Variants in ADGRL2 observed in about 807,000 individuals in gnomAD.
ADGRL2 encodes calcium-independent alpha-latrotoxin receptor 2.
ADGRL2 carries 44 observed loss-of-function variants against 157.4 expected under a neutral mutation model. The observed-to-expected ratio is 0.28, with a 90% CI of 0.22 to 0.36. The LOEUF is 0.36. Ranked by LOEUF, ADGRL2 falls within the 10% of genes least tolerant of loss-of-function variation. The probability of loss-of-function intolerance (pLI) is 1.00; values close to 1 mark genes in which losing one functional copy is unlikely to be tolerated. For missense variants in ADGRL2, 1,510 were observed against 1,768.9 expected, an observed-to-expected ratio of 0.85 and a Z score of 2.63; for synonymous variants, 585 against 624.7, an observed-to-expected ratio of 0.94 and a Z score of 0.95.
intron 3 of ADGRL2, among the ~76,000 whole-genome samples, chr1:81,634,458 C>T (rs2082075319): frequency 6.6e-6 from 1 of 151,890 alleles, no homozygotes; most frequent in Admixed American, 6.6e-5. Context: ...ATTTATCTCC[C>T]TCCATGTTCC....
chr1:81,502,836 G>A lies in ADGRL2; in HGVS notation c.-248+57747G>A, dbSNP rs573853533. The A allele has an allele frequency of 6.1e-5, 99 of 1,612,546 alleles. 1 individual carries two copies. In the African/African-American group the frequency reaches 9.6e-4, roughly 16 times the overall value. Reference sequence around the variant, plus strand: ...CGGCTACTGCTGCTGCCGCTGCCGAGGCCCCTGCCCTCCTCTCCCCACCCA... The same window carrying A: ...CGGCTACTGCTGCTGCCGCTGCCGAAGCCCCTGCCCTCCTCTCCCCACCCA... On this transcript the variant is annotated intron_variant, in intron 2 of 24. Coordinates refer to the ADGRL2 transcript ENST00000370721.
rs1192256443 is a variant in ADGRL2, at chr1:81,992,453, A to C, written c.*1308A>C. On this transcript the variant is annotated 3_prime_UTR_variant, in exon 24 of 24. Coordinates refer to ENST00000686636, the MANE Select transcript of ADGRL2 (RefSeq NM_001366006.2). ...ACATGTGAACTTTTATGTATGATAC[A>C]TAATTGGCTTTAACATGTTGGTCCA... is the stretch of plus-strand genomic sequence containing the variant. The C allele has an allele frequency of 6.6e-6, 1 of 152,626 alleles. No individual in the cohort carries two copies. Among genetic ancestry groups the C allele is most frequent in the Non-Finnish European group, 1.5e-5 (1 of 68,038 alleles). The allele number at this position is 152,626 out of a possible 1,614,324, so 9.5% of individuals were successfully genotyped here.
intron 2 of ADGRL2, among the ~76,000 whole-genome samples, chr1:81,560,637 A>G (rs1377229601): frequency 1.3e-5 from 2 of 152,156 alleles, no homozygotes; most frequent in Non-Finnish European, 2.9e-5. Context: ...TTAGAATCTT[A>G]TTATTGTTCA....
chr1:81,476,284 T>A (rs1162316335), intron 2 of ADGRL2, among the ~76,000 whole-genome samples: 1 of 152,194 alleles, frequency 6.6e-6, no homozygotes, highest in Non-Finnish European at 1.5e-5. Flanking sequence ...CTATTATACC[T>A]TAAAATACTG....
At chr1:81,764,073 T>G (rs969380755) in intron 2 of ADGRL2, among the ~76,000 whole-genome samples, 2 of 140,570 alleles carry the variant, frequency 1.4e-5, no homozygotes, top group African/African-American at 5.3e-5. Context: ...ACGCCTGTAG[T>G]CCCAGCTACT....
intron 2 of ADGRL2, among the ~76,000 whole-genome samples, chr1:81,466,022 A>G (rs1416269587): frequency 6.6e-6 from 1 of 152,240 alleles, no homozygotes; most frequent in Non-Finnish European, 1.5e-5. Flanking sequence ...GGTACTATAA[A>G]TGAGAAAGAT....
intron 20 of ADGRL2, among the ~76,000 whole-genome samples, 179 bp downstream of exon 20, chr1:81,984,890 T>C (rs1662712310): frequency 6.6e-6 from 1 of 152,128 alleles, no homozygotes; most frequent in Non-Finnish European, 1.5e-5. Context: ...TTTCTTTATA[T>C]GTGAACGTCC....
intron 1 of ADGRL2, among the ~76,000 whole-genome samples, chr1:81,806,922 C>T (rs1200433372): frequency 6.6e-6 from 1 of 151,914 alleles, no homozygotes; most frequent in East Asian, 1.9e-4. Flanking sequence ...TACTGTTTCA[C>T]CATATCTGAT....
intron 3 of ADGRL2, among the ~76,000 whole-genome samples, chr1:81,911,066 G>A (rs35720371): frequency 0.16 from 24,974 of 151,906 alleles, 2,505 homozygotes; most frequent in Middle Eastern, 0.3. Context: ...TGAGAATCAA[G>A]TAAATAAATA....
At chr1:81,764,798 C>A (rs2086055072) in intron 2 of ADGRL2, among the ~76,000 whole-genome samples, 1 of 151,950 alleles carries the variant, frequency 6.6e-6, no homozygotes. Flanking sequence ...TTTTAAATTT[C>A]TTTCTAGACC....
chr1:81,317,146 G>A (rs1374254031), intron 1 of ADGRL2, among the ~76,000 whole-genome samples: 1 of 152,086 alleles, frequency 6.6e-6, no homozygotes, highest in Non-Finnish European at 1.5e-5. Flanking sequence ...TGGGGTAGAA[G>A]CTACATATGC....
intron 2 of ADGRL2, among the ~76,000 whole-genome samples, chr1:81,891,079 TC>T (rs1301085918): frequency 2.0e-5 from 3 of 151,888 alleles, no homozygotes; most frequent in Non-Finnish European, 4.4e-5. Context: ...GTTTTTTATT[TC>T]CCCCCATGCA....
chr1:81,907,564 T>G lies in ADGRL2; in HGVS notation c.287+334T>G, dbSNP rs191805964. Among the ~76,000 whole-genome samples, 146 of 152,296 alleles carry G rather than the reference T, an allele frequency of 9.6e-4. 1 individual carries two copies. The highest frequency in any genetic ancestry group is 2.9e-3 in the Admixed American group (45 of 15,298). On this transcript the variant is annotated intron_variant, in intron 3 of 23. Coordinates refer to ENST00000686636, the MANE Select transcript of ADGRL2 (RefSeq NM_001366006.2). Reference sequence around the variant, plus strand: ...GAAATACTTTTTGTAACATCAAGAATGTTGAAGTGCCTGGGTCTTTGGCAT... The same window carrying G: ...GAAATACTTTTTGTAACATCAAGAAGGTTGAAGTGCCTGGGTCTTTGGCAT...
At chr1:81,541,767 T>A (rs2148329026) in intron 2 of ADGRL2, among the ~76,000 whole-genome samples, 1 of 144,640 alleles carries the variant, frequency 6.9e-6, no homozygotes, top group Non-Finnish European at 1.5e-5. Flanking sequence ...CTGACCAACA[T>A]GGAGAAACCC....
intron 1 of ADGRL2, among the ~76,000 whole-genome samples, chr1:81,386,885 C>A (rs1158551775): frequency 1.3e-5 from 2 of 152,084 alleles, no homozygotes; most frequent in Non-Finnish European, 2.9e-5. Context: ...GTATTTCTCT[C>A]TCCTCATCTC....
chr1:81,443,882 C>T (rs79633144), intron 1 of ADGRL2, among the ~76,000 whole-genome samples: 1,677 of 152,128 alleles, frequency 0.011, 15 homozygotes, highest in African/African-American at 0.026. Flanking sequence ...AATATTTATA[C>T]CACAAAAATA....
At chr1:81,626,571 C>A (rs192903792) in intron 3 of ADGRL2, among the ~76,000 whole-genome samples, 12 of 152,350 alleles carry the variant, frequency 7.9e-5, no homozygotes, top group Non-Finnish European at 1.5e-4. Flanking sequence ...CCGCGCCTGG[C>A]CTGAATGCTG....
chr1:81,845,714 CT>C (rs749659722), intron 2 of ADGRL2, among the ~76,000 whole-genome samples: 1 of 151,062 alleles, frequency 6.6e-6, no homozygotes, highest in Non-Finnish European at 1.5e-5. Context: ...TGATAATCCC[CT>C]TTTTTCATTT....
rs569870291 is a variant in ADGRL2 at position 81,904,684 on chromosome 1, C to T, written c.74-2333C>T. Reference sequence around the variant, plus strand: ...CAGCACTTTGGGAAGCGGAGGTGGGCGGATCACGAGGTCAAGGGTTCGAGA... The same window carrying T: ...CAGCACTTTGGGAAGCGGAGGTGGGTGGATCACGAGGTCAAGGGTTCGAGA... On this transcript the variant is annotated intron_variant, in intron 2 of 23. Coordinates refer to ENST00000686636, the MANE Select transcript of ADGRL2 (RefSeq NM_001366006.2). Among the ~76,000 whole-genome samples, 21 of 152,218 alleles carry T rather than the reference C, an allele frequency of 1.4e-4. No homozygotes were observed. In the South Asian group the frequency reaches 2.3e-3, roughly 17 times the overall value.
Sources: allele counts gnomAD v4.1 joint callset (sites outside exome capture counted in the v4.1 genomes callset), GRCh38; gene constraint gnomAD v4.1.1; transcripts MANE v1.5; gene names NCBI Gene and HGNC (gene_info 2026-07-23, HGNC 2026-07-21).